ABHD12: variants seen among roughly 807,000 people sequenced by gnomAD.
ABHD12 encodes the protein lysophosphatidylserine lipase ABHD12.
ABHD12 carries 43 observed loss-of-function variants against 58.3 expected under a neutral mutation model. The observed-to-expected ratio is 0.74, with a 90% CI of 0.58 to 0.95. ABHD12 has a LOEUF of 0.95. Ranked by LOEUF, ABHD12 falls within the 40% of genes least tolerant of loss-of-function variation. The pLI, the probability that ABHD12 is intolerant of heterozygous loss-of-function variation, is 0.00. For synonymous variants in ABHD12, 219 were observed against 211.2 expected, an observed-to-expected ratio of 1.04 and a Z score of -0.32; for missense variants, 539 against 537.2, an observed-to-expected ratio of 1.00 and a Z score of -0.03.
chr20:25,380,513 C>T (rs1600880808), intron 1 of ABHD12, among the ~76,000 whole-genome samples: 1 of 152,092 alleles, frequency 6.6e-6, no homozygotes, highest in South Asian at 2.1e-4. Context: ...CTGCACAGCT[C>T]CCTGGAAAAG....
At chr20:25,318,650 T>C (rs953970664) in intron 4 of ABHD12, among the ~76,000 whole-genome samples, 2 of 143,744 alleles carry the variant, frequency 1.4e-5, no homozygotes, top group African/African-American at 5.2e-5. Context: ...TAACCTAAAG[T>C]TATAGGCAGG....
chr20:25,298,845 C>T (rs1196306270), downstream of ABHD12, among the ~76,000 whole-genome samples: 2 of 152,180 alleles, frequency 1.3e-5, no homozygotes, highest in East Asian at 1.9e-4. Context: ...CAGACCTGGT[C>T]GTGCAGGGGT....
intron 10 of ABHD12, among the ~76,000 whole-genome samples, chr20:25,304,126 C>G (rs145781884): frequency 2.0e-5 from 3 of 152,254 alleles, no homozygotes; most frequent in Non-Finnish European, 4.4e-5. Context: ...CTGCCAGGAC[C>G]GGCGGAGCCT....
chr20:25,347,521 G>GTT (rs1423151252), intron 1 of ABHD12, among the ~76,000 whole-genome samples: 2 of 152,202 alleles, frequency 1.3e-5, no homozygotes, highest in Non-Finnish European at 2.9e-5. Flanking sequence ...TTCAGTCAGT[G>GTT]TTATGGTCAA....
chr20:25,300,724 G>T lies in ABHD12; in HGVS notation c.*121C>A, dbSNP rs1355721956. On this transcript the variant is annotated 3_prime_UTR_variant, in exon 13 of 13. Coordinates refer to ENST00000339157, the MANE Select transcript of ABHD12 (RefSeq NM_001042472.3). ...CTGGGATCTGAGGTGCTCTCCAGGT[G>T]CGAGCTGGGCTCCTGAGCATTGCAG... 2 of 1,574,524 alleles carry T rather than the reference G, an allele frequency of 1.3e-6. No individual in the cohort carries two copies. Among genetic ancestry groups the T allele is most frequent in the Non-Finnish European group, 1.7e-6 (2 of 1,163,452 alleles).
At position 25,307,001 on chromosome 20, in the gene ABHD12, A is replaced by T. The variant is rs189760008; in HGVS notation, c.868-86T>A. ...AGGGTGCAGACAGTTTAAGTTCAGA[A>T]ATCTATAAGGCGTTGCCCATAACTA... On this transcript the variant is annotated intron_variant, in intron 9 of 12. Transcript: ENST00000339157. The T allele has an allele frequency of 1.4e-3, 1,405 of 1,010,714 alleles. 14 individuals are homozygous for T. In the African/African-American group the frequency reaches 0.02, roughly 14 times the overall value. The allele number at this position is 1,010,714 out of a possible 1,614,324, so 62.6% of individuals were successfully genotyped here. A position where few individuals can be genotyped will look rare whatever the true frequency, so the allele number is the denominator to read the frequency against.
downstream of ABHD12, chr20:25,296,543 A>G: frequency 6.3e-7 from 1 of 1,594,414 alleles, no homozygotes; most frequent in Non-Finnish European, 8.5e-7. Context: ...CCTTGGCGGG[A>G]CCAGCGGGCA....
At chr20:25,304,840 T>C (rs1351983814) in intron 10 of ABHD12, among the ~76,000 whole-genome samples, 2 of 152,230 alleles carry the variant, frequency 1.3e-5, no homozygotes, top group African/African-American at 4.8e-5. Context: ...ATGTTGGGAT[T>C]ACAGTGGTGA....
rs6115156 is a variant in ABHD12, at chr20:25,352,553, G to A, written c.192-13202C>T. On this transcript the variant is annotated intron_variant, in intron 1 of 12. Transcript: ENST00000339157. ...GATCTACCCACCTCGGCCTCCCAAA[G>A]TGCTGGGATTACAGGCATGAGTCAC... Among the ~76,000 whole-genome samples, 11 of 151,816 alleles carry A rather than the reference G, an allele frequency of 7.2e-5. No individual in the cohort carries two copies. In the East Asian group the frequency reaches 2.2e-3, roughly 30 times the overall value.
At chr20:25,301,235 A>G (rs1286005717) in intron 12 of ABHD12, among the ~76,000 whole-genome samples, 1 of 152,228 alleles carries the variant, frequency 6.6e-6, no homozygotes, top group Non-Finnish European at 1.5e-5. Flanking sequence ...CTGCCCCCTT[A>G]GCAACCCAGG....
At chr20:25,351,187 C>T (rs951830239) in intron 1 of ABHD12, among the ~76,000 whole-genome samples, 2 of 152,172 alleles carry the variant, frequency 1.3e-5, no homozygotes, top group Non-Finnish European at 2.9e-5. Flanking sequence ...TTCTTCCCAA[C>T]AGTGACATCA....
At chr20:25,367,361 C>T (rs1240487568) in intron 1 of ABHD12, among the ~76,000 whole-genome samples, 1 of 152,150 alleles carries the variant, frequency 6.6e-6, no homozygotes, top group Non-Finnish European at 1.5e-5. Flanking sequence ...AGAGAATTTG[C>T]CACATATACT....
downstream of ABHD12, chr20:25,296,683 G>C: frequency 1.1e-6 from 1 of 926,466 alleles, no homozygotes; most frequent in South Asian, 1.7e-5. Context: ...TGAGAGAGCA[G>C]GGTAAGGAAG....
In ABHD12 at chr20:25,306,820, C is replaced by A; in HGVS notation, c.950+13G>T. On this transcript the variant is annotated intron_variant, in intron 10 of 12. Coordinates refer to ENST00000339157, the MANE Select transcript of ABHD12 (RefSeq NM_001042472.3). ...CTAAATAGGAAAATTAGTTCCTGTC[C>A]CATAATACTCACTTTTCATCATTTG... 1 of 1,582,524 alleles carries A rather than the reference C, an allele frequency of 6.3e-7. No individual in the cohort carries two copies. Among genetic ancestry groups the A allele is most frequent in the East Asian group, 2.2e-5 (1 of 44,584 alleles).
chr20:25,361,086 G>A (rs1236166558), intron 1 of ABHD12, among the ~76,000 whole-genome samples: 2 of 152,314 alleles, frequency 1.3e-5, no homozygotes, highest in East Asian at 3.9e-4. Context: ...AAGATACAGG[G>A]CCCACCGCCC....
At chr20:25,329,079 T>C (rs940781468) in intron 2 of ABHD12, among the ~76,000 whole-genome samples, 2 of 152,142 alleles carry the variant, frequency 1.3e-5, no homozygotes, top group African/African-American at 4.8e-5. Flanking sequence ...GCCAGGCGAG[T>C]GCCAGGACCC....
downstream of ABHD12, among the ~76,000 whole-genome samples, chr20:25,298,198 T>C (rs2088580397): frequency 6.6e-6 from 1 of 152,184 alleles, no homozygotes; most frequent in South Asian, 2.1e-4. Context: ...ATTCTGGGAT[T>C]GAGGGCAGAA....
intron 1 of ABHD12, among the ~76,000 whole-genome samples, chr20:25,367,094 C>T (rs1312470474): frequency 2.0e-5 from 3 of 152,142 alleles, no homozygotes; most frequent in Non-Finnish European, 1.5e-5. Context: ...GATGAATAAT[C>T]TGAGGAATGT....
chr20:25,335,440 A>G (rs1447743473), intron 2 of ABHD12, among the ~76,000 whole-genome samples: 2 of 148,146 alleles, frequency 1.4e-5, no homozygotes, highest in Non-Finnish European at 3.0e-5. Flanking sequence ...CATTTGACCC[A>G]GCCATCCCAT....
Sources: allele counts gnomAD v4.1 joint callset (sites outside exome capture counted in the v4.1 genomes callset), GRCh38; gene constraint gnomAD v4.1.1; transcripts MANE v1.5; gene names NCBI Gene and HGNC (gene_info 2026-07-23, HGNC 2026-07-21).